The following SLC37A2 variants were observed in gnomAD, a reference collection of about 807,000 sequenced individuals.
SLC37A2 encodes glucose-6-phosphate exchanger SLC37A2.
Under a neutral mutation model 70.7 loss-of-function variants are expected in SLC37A2, and 59 were observed. The observed-to-expected ratio is 0.83, with a 90% CI of 0.68 to 1.04. The LOEUF is 1.04. Ranked by LOEUF, SLC37A2 falls within the 50% of genes least tolerant of loss-of-function variation. SLC37A2 has a pLI of 0.00. For synonymous variants in SLC37A2, 257 were observed against 262.1 expected, an observed-to-expected ratio of 0.98 and a Z score of 0.19; for missense variants, 580 against 658.1, an observed-to-expected ratio of 0.88 and a Z score of 1.30.
At chr11:125,086,408 G>A (rs1949216231) in intron 17 of SLC37A2, 2 of 714,432 alleles carry the variant, frequency 2.8e-6, no homozygotes, top group South Asian at 1.6e-5. Context: ...AGAGCATGGT[G>A]CTTGGGAAGT....
chr11:125,078,225 A>G lies in SLC37A2; in HGVS notation c.314+697A>G, dbSNP rs1377310037. Among the ~76,000 whole-genome samples the G allele has an allele frequency of 2.0e-5, 3 of 152,344 alleles. No homozygotes were observed. In the East Asian group the frequency reaches 5.8e-4, roughly 29 times the overall value. ...ATGATCTACGGGAGGAACCGCGGGC[A>G]GGTGTATGGAGGGAATGACAGTGTA... On this transcript the variant is annotated intron_variant, in intron 4 of 17. Transcript: ENST00000403796.
intron 3 of SLC37A2, 46 bp from the exon 4 acceptor site, chr11:125,077,404 G>T (rs1476414638): frequency 6.3e-7 from 1 of 1,596,800 alleles, no homozygotes; most frequent in Admixed American, 1.7e-5. Flanking sequence ...GCTTCCTGCA[G>T]GGGCATCCAC....
intron 17 of SLC37A2, 98 bp downstream of exon 17, chr11:125,086,116 C>T (rs1949212522): frequency 6.5e-7 from 1 of 1,532,518 alleles, no homozygotes; most frequent in Non-Finnish European, 9.0e-7. Flanking sequence ...GAGGCTCGAC[C>T]AGCCCAGACC....
Position 125,068,233 on chromosome 11 carries a change from A to C in SLC37A2, c.59+4807A>C, listed in dbSNP as rs774324466. 9.2e-5 allele frequency among the ~76,000 whole-genome samples: 14 copies of C among 152,298 alleles called. No individual in the cohort carries two copies. The South Asian group carries it at 1.5e-3, about 16-fold the overall frequency. ...GTGAGCCTTGACTTTGCTGAGCCCC[A>C]GTTTCCTCATCAATAAAAGTCAGAT... On this transcript the variant is annotated intron_variant, in intron 1 of 17. Coordinates refer to ENST00000403796, the MANE Select transcript of SLC37A2 (RefSeq NM_001145290.2).
intron 12 of SLC37A2, among the ~76,000 whole-genome samples, chr11:125,084,553 G>A (rs1030587691): frequency 9.2e-5 from 14 of 152,250 alleles, no homozygotes; most frequent in Non-Finnish European, 1.9e-4. Context: ...CTTGGTAGAG[G>A]AGACCGCCTC....
chr11:125,088,281 C>T lies in SLC37A2; in HGVS notation c.*147C>T. 1 of 848,216 alleles carries T rather than the reference C, an allele frequency of 1.2e-6. No homozygotes were observed. The highest frequency in any genetic ancestry group is 1.8e-6 in the Non-Finnish European group (1 of 544,016). 52.5% of individuals were successfully genotyped at this position (848,216 alleles called of 1,614,324 possible). On this transcript the variant is annotated 3_prime_UTR_variant, in exon 18 of 18. Transcript: ENST00000403796. ...AGCCCAGCCCAGACCCCAGGGCTGCCTAAGGACACAGAGATTCTCCATGGG... is the reference window on the plus strand; with the variant it reads ...AGCCCAGCCCAGACCCCAGGGCTGCTTAAGGACACAGAGATTCTCCATGGG...
chr11:125,065,709 G>A (rs1272452762), intron 1 of SLC37A2, among the ~76,000 whole-genome samples: 1 of 152,072 alleles, frequency 6.6e-6, no homozygotes, highest in Non-Finnish European at 1.5e-5. Context: ...CAACATCCCG[G>A]CAAGGTCTTG....
rs145636236 is a variant in SLC37A2, at chr11:125,068,724, C to T, written c.59+5298C>T. On this transcript the variant is annotated intron_variant, in intron 1 of 17. Coordinates refer to ENST00000403796, the MANE Select transcript of SLC37A2 (RefSeq NM_001145290.2). ...TATACAGGAAGCATGGAATACATGGCGGCTTTTACTATCATTATTAATGAT... is the reference window on the plus strand; with the variant it reads ...TATACAGGAAGCATGGAATACATGGTGGCTTTTACTATCATTATTAATGAT... Among the ~76,000 whole-genome samples, 276 of 152,238 alleles carry T rather than the reference C, an allele frequency of 1.8e-3. 1 individual carries two copies. Among genetic ancestry groups the T allele is most frequent in the Middle Eastern group, 0.017 (5 of 294 alleles).
Position 125,080,345 on chromosome 11 carries a change from GC to G in SLC37A2, c.528-264del, listed in dbSNP as rs1949133092. Among the ~76,000 whole-genome samples, 7 of 152,290 alleles carry G rather than the reference GC, an allele frequency of 4.6e-5. No homozygotes were observed. In the South Asian group the frequency reaches 1.4e-3, roughly 32 times the overall value. On this transcript the variant is annotated intron_variant, in intron 6 of 17. Coordinates refer to ENST00000403796, the MANE Select transcript of SLC37A2 (RefSeq NM_001145290.2). The surrounding 1 kb of genome is among the most constrained non-coding windows in gnomAD (Gnocchi z 4.3). ...ACAGAAGAGAAGAACGAGGGCCGGG[GC>G]CCCCATGCCCTCAGTGTGGCTAGAG...
Position 125,085,959 on chromosome 11 carries a change from T to C in SLC37A2, c.1431T>C (p.Leu477=), listed in dbSNP as rs759713541. Residue 477 remains leucine (L), a synonymous_variant, in exon 17 of 18, where the codon CTT becomes CTC. Coordinates refer to ENST00000403796, the MANE Select transcript of SLC37A2 (RefSeq NM_001145290.2). ...ISADVLACLL[L]CRLVYKEILA... Reference sequence around the variant, plus strand: ...CTGTGCCTTGTGCTCCACAGCTCCTTTGCCGGTTAGTATACAAAGAGATCT... The same window carrying C: ...CTGTGCCTTGTGCTCCACAGCTCCTCTGCCGGTTAGTATACAAAGAGATCT... The C allele has an allele frequency of 3.0e-5, 48 of 1,614,124 alleles. No individual in the cohort carries two copies. The highest frequency in any genetic ancestry group is 3.9e-5 in the Non-Finnish European group (46 of 1,179,974).
intron 1 of SLC37A2, among the ~76,000 whole-genome samples, chr11:125,068,821 G>C (rs1010432210): frequency 6.6e-6 from 1 of 152,142 alleles, no homozygotes; most frequent in African/African-American, 2.4e-5. Context: ...ACAGGCCAGG[G>C]TGCAGACAAA....
At chr11:125,082,440 C>A in intron 10 of SLC37A2, 106 bp downstream of exon 10, 1 of 946,296 alleles carries the variant, frequency 1.1e-6, no homozygotes, top group Non-Finnish European at 1.7e-6. Flanking sequence ...AGTATATAGG[C>A]AGAATTCCTG....
At chr11:125,067,128 C>T (rs889280663) in intron 1 of SLC37A2, among the ~76,000 whole-genome samples, 1 of 152,090 alleles carries the variant, frequency 6.6e-6, no homozygotes, top group Non-Finnish European at 1.5e-5. Context: ...TACAGGCATG[C>T]ACCACCACAC....
At chr11:125,082,123 G>A in intron 9 of SLC37A2, 121 bp from the exon 10 acceptor site, 1 of 1,071,440 alleles carries the variant, frequency 9.3e-7, no homozygotes, top group Non-Finnish European at 1.4e-6. Flanking sequence ...GGATGTGTTG[G>A]AGGCTGCCTT....
At chr11:125,076,125 G>A (rs1024706678) in intron 1 of SLC37A2, among the ~76,000 whole-genome samples, 3 of 152,110 alleles carry the variant, frequency 2.0e-5, no homozygotes, top group African/African-American at 7.2e-5. Context: ...AGACGTGAGG[G>A]GTGAGAAAGA....
intron 1 of SLC37A2, among the ~76,000 whole-genome samples, chr11:125,072,052 T>A (rs1949034842): frequency 6.6e-6 from 1 of 151,542 alleles, no homozygotes; most frequent in Non-Finnish European, 1.5e-5. Flanking sequence ...AGGGAGCCAC[T>A]GGGGAACCGG....
At chr11:125,072,534 G>A (rs549267119) in intron 1 of SLC37A2, among the ~76,000 whole-genome samples, 10 of 152,274 alleles carry the variant, frequency 6.6e-5, no homozygotes, top group East Asian at 3.9e-4. Flanking sequence ...CCATCCCCCC[G>A]TCACAGCCAC....
intron 4 of SLC37A2, among the ~76,000 whole-genome samples, chr11:125,078,787 ATG>A (rs1298218519): frequency 7.7e-6 from 1 of 130,462 alleles, no homozygotes; most frequent in African/African-American, 3.4e-5. Context: ...GCCTGAAGAT[ATG>A]CATGTGATGC....
intron 1 of SLC37A2, among the ~76,000 whole-genome samples, chr11:125,064,878 A>G (rs556760326): frequency 2.6e-4 from 40 of 152,324 alleles, no homozygotes; most frequent in African/African-American, 8.2e-4. Context: ...GTGATGGTTG[A>G]GAGACAATGT....
Sources: allele counts gnomAD v4.1 joint callset (sites outside exome capture counted in the v4.1 genomes callset), GRCh38; gene constraint gnomAD v4.1.1; non-coding constraint Gnocchi (gnomAD v3.1); transcripts MANE v1.5; gene names NCBI Gene and HGNC (gene_info 2026-07-23, HGNC 2026-07-21).